Variants in STK3 observed in about 807,000 individuals in gnomAD.
STK3 encodes serine/threonine kinase 3, also known as serine/threonine-protein kinase 3.
In STK3, 41 loss-of-function variants were observed where a neutral mutation model predicts 58.0. The observed-to-expected ratio is 0.71, with a 90% CI of 0.55 to 0.92. STK3 has a LOEUF of 0.92. Ranked by LOEUF, STK3 falls within the 40% of genes least tolerant of loss-of-function variation. The pLI, the probability that STK3 is intolerant of heterozygous loss-of-function variation, is 0.00. For missense variants in STK3, 479 were observed against 602.7 expected, an observed-to-expected ratio of 0.79 and a Z score of 2.15; for synonymous variants, 170 against 191.0, an observed-to-expected ratio of 0.89 and a Z score of 0.91.
chr8:98,667,326 G>A (rs1563868651), intron 6 of STK3, among the ~76,000 whole-genome samples: 1 of 152,070 alleles, frequency 6.6e-6, no homozygotes, highest in Admixed American at 6.6e-5. Context: ...GGTGGTCTAT[G>A]GGCAATTTTG....
the STK3 span, among the ~76,000 whole-genome samples, chr8:98,365,613 A>T: frequency 6.6e-6 from 1 of 152,148 alleles, no homozygotes; most frequent in Non-Finnish European, 1.5e-5. Flanking sequence ...AAAATATCTC[A>T]TGTCCTCACA....
chr8:98,604,644 G>A (rs1033560594), intron 6 of STK3, among the ~76,000 whole-genome samples: 1 of 152,174 alleles, frequency 6.6e-6, no homozygotes, highest in African/African-American at 2.4e-5. Context: ...AATCTAGGCT[G>A]GGGTTCCCAA....
At chr8:98,613,723 G>A (rs903497926) in intron 6 of STK3, among the ~76,000 whole-genome samples, 4 of 151,548 alleles carry the variant, frequency 2.6e-5, no homozygotes, top group South Asian at 2.1e-4. Context: ...AATGTAAATC[G>A]CCTAAATATG....
At position 98,742,603 on chromosome 8, in the gene STK3, T is replaced by C. The variant is rs1247822023; in HGVS notation, c.351+6673A>G. Reference sequence around the variant, plus strand: ...ATCTCAAAATAATAAGAGCTATCTATGACAAACCCACAGCCAATATCATAC... The same window carrying C: ...ATCTCAAAATAATAAGAGCTATCTACGACAAACCCACAGCCAATATCATAC... On this transcript the variant is annotated intron_variant, in intron 4 of 10. Coordinates refer to ENST00000419617, the MANE Select transcript of STK3 (RefSeq NM_006281.4). Among the ~76,000 whole-genome samples the C allele has an allele frequency of 1.5e-5, 2 of 133,976 alleles. 1 individual carries two copies. The highest frequency in any genetic ancestry group is 4.5e-4 in the South Asian group (2 of 4,456). The allele number at this position is 133,976 out of a possible 152,430, so 87.9% of individuals were successfully genotyped here.
rs532322259 is a variant in STK3, at chr8:98,808,573, TA to T, written c.26+16941del. Among the ~76,000 whole-genome samples the T allele has an allele frequency of 7.0e-3, 1,070 of 152,268 alleles. 5 individuals carry two copies. The highest frequency in any genetic ancestry group is 1.0e-2 in the Non-Finnish European group (679 of 68,016). ...TTATTGTGGCAGAATATACACAACA[TA>T]AAGTTTACTATTTTAACATGTACAA... On this transcript the variant is annotated intron_variant, in intron 1 of 10. Transcript: ENST00000419617.
chr8:98,559,969 GA>G (rs1453478721), intron 8 of STK3, among the ~76,000 whole-genome samples: 2 of 152,054 alleles, frequency 1.3e-5, no homozygotes, highest in African/African-American at 4.8e-5. Flanking sequence ...GAAGTAAAAA[GA>G]AAACCAAGAG....
At chr8:98,502,158 T>A (rs1326280706) in intron 10 of STK3, among the ~76,000 whole-genome samples, 1 of 152,190 alleles carries the variant, frequency 6.6e-6, no homozygotes, top group Non-Finnish European at 1.5e-5. Flanking sequence ...TTTTATTCTC[T>A]TAGTAGCAAT....
At chr8:98,527,733 A>T (rs1825857878) in intron 9 of STK3, among the ~76,000 whole-genome samples, 1 of 152,068 alleles carries the variant, frequency 6.6e-6, no homozygotes, top group Non-Finnish European at 1.5e-5. Flanking sequence ...AGTCTTTCTG[A>T]TTCCCTCTGT....
chr8:98,677,183 C>A (rs1393471574), intron 6 of STK3, among the ~76,000 whole-genome samples: 1 of 152,096 alleles, frequency 6.6e-6, no homozygotes, highest in African/African-American at 2.4e-5. Context: ...CTGACTGGGG[C>A]CTTGTTTCAT....
At chr8:98,767,820 G>A (rs1379976638) in intron 2 of STK3, among the ~76,000 whole-genome samples, 1 of 152,048 alleles carries the variant, frequency 6.6e-6, no homozygotes, top group Non-Finnish European at 1.5e-5. Flanking sequence ...CCTCAGCTGG[G>A]GACCATATTA....
Position 98,616,683 on chromosome 8 carries a change from G to A in STK3, c.685-20514C>T, listed in dbSNP as rs201509660. Among the ~76,000 whole-genome samples, 109 of 150,734 alleles carry A rather than the reference G, an allele frequency of 7.2e-4. 1 individual carries two copies. The East Asian group carries it at 0.02, about 27-fold the overall frequency. ...AATCCTAGTCTCTGATAAAACAGAC[G>A]TTAAACCAACAAAGATCAAAAGAGA... On this transcript the variant is annotated intron_variant, in intron 6 of 10. Coordinates refer to ENST00000419617, the MANE Select transcript of STK3 (RefSeq NM_006281.4).
chr8:98,357,384 G>A, the STK3 span, among the ~76,000 whole-genome samples: 2 of 152,162 alleles, frequency 1.3e-5, no homozygotes, highest in East Asian at 1.9e-4. Flanking sequence ...AGCTTAATCC[G>A]ATTCTCTTGG....
chr8:98,715,881 C>G (rs1483137257), intron 4 of STK3, among the ~76,000 whole-genome samples: 1 of 152,118 alleles, frequency 6.6e-6, no homozygotes, highest in Non-Finnish European at 1.5e-5. Context: ...TGGAACCAAC[C>G]CAAATGTCCA....
At chr8:98,536,496 C>T (rs1809776209) in intron 9 of STK3, among the ~76,000 whole-genome samples, 1 of 152,056 alleles carries the variant, frequency 6.6e-6, no homozygotes, top group Non-Finnish European at 1.5e-5. Context: ...TAGGAAAGTT[C>T]TGTTTTCTTG....
chr8:98,863,752 T>C (rs1837020163), intron 3 of STK3, among the ~76,000 whole-genome samples: 1 of 152,214 alleles, frequency 6.6e-6, no homozygotes, highest in Non-Finnish European at 1.5e-5. Context: ...TAATATTTAT[T>C]CTTTCCTTCT....
intron 1 of STK3, among the ~76,000 whole-genome samples, chr8:98,385,075 A>G (rs1339338214): frequency 6.6e-6 from 1 of 152,156 alleles, no homozygotes; most frequent in African/African-American, 2.4e-5. Context: ...TTCAAAAGCC[A>G]GTCATCAGTT....
At chr8:98,880,187 G>GGTGGTGGTT (rs1837743628), downstream of STK3, 1 of 152,210 alleles carries the variant, frequency 6.6e-6, no homozygotes, top group Admixed American at 6.5e-5. Context: ...GAACCTAGGA[G>GGTGGTGGTT]GTGGTGGTTG....
intron 3 of STK3, chr8:98,413,481 AGAATGTGCC>A (rs1818078209): frequency 1.6e-6 from 1 of 608,184 alleles, no homozygotes; most frequent in Admixed American, 1.9e-5. Context: ...AAGTGGCTTC[AGAATGTGCC>A]GAAGTCCATT....
rs139730623 is a variant in STK3, at chr8:98,531,080, C to T, written c.1142-4163G>A. On this transcript the variant is annotated intron_variant, in intron 9 of 10. Transcript: ENST00000419617. Reference sequence around the variant, plus strand: ...GGTTGGAATGGACTTCTTCCAACCTCCTGTTAATGCTGATCTTTTTACTTC... The same window carrying T: ...GGTTGGAATGGACTTCTTCCAACCTTCTGTTAATGCTGATCTTTTTACTTC... 1.2e-4 allele frequency among the ~76,000 whole-genome samples: 19 copies of T among 152,318 alleles called. No individual in the cohort carries two copies. The East Asian group carries it at 3.7e-3, about 29-fold the overall frequency.
Sources: allele counts gnomAD v4.1 joint callset (sites outside exome capture counted in the v4.1 genomes callset), GRCh38; gene constraint gnomAD v4.1.1; transcripts MANE v1.5; gene names NCBI Gene and HGNC (gene_info 2026-07-23, HGNC 2026-07-21).